Variants in CELSR1 observed in about 807,000 individuals in gnomAD.
CELSR1 encodes the protein adhesion G protein-coupled receptor C1.
In CELSR1, 110 loss-of-function variants were observed where a neutral mutation model predicts 249.1. That is an observed-to-expected ratio of 0.44 (90% CI 0.38 to 0.52). The LOEUF is 0.52. CELSR1 is among the 20% of genes least tolerant of loss of function. The pLI, the probability that CELSR1 is intolerant of heterozygous loss-of-function variation, is 0.00. For synonymous variants in CELSR1, 2,113 were observed against 1,900.0 expected, an observed-to-expected ratio of 1.11 and a Z score of -2.92; for missense variants, 4,109 against 4,296.4, an observed-to-expected ratio of 0.96 and a Z score of 1.22.
chr22:46,520,278 C>T (rs1404856051), intron 1 of CELSR1, among the ~76,000 whole-genome samples: 1 of 152,146 alleles, frequency 6.6e-6, no homozygotes, highest in Non-Finnish European at 1.5e-5. Flanking sequence ...TGGCCTCGAA[C>T]CCCAGGACAG....
Position 46,471,672 on chromosome 22 carries a change from C to T in CELSR1, c.3545-7327G>A, listed in dbSNP as rs555375537. Reference sequence around the variant, plus strand: ...CAGCCTCCCAAAGTGCTGGGATTCACGGGTGTGAGCCGCTGCCCCTGGCCT... The same window carrying T: ...CAGCCTCCCAAAGTGCTGGGATTCATGGGTGTGAGCCGCTGCCCCTGGCCT... On this transcript the variant is annotated intron_variant, in intron 1 of 34. Coordinates refer to ENST00000674500, the MANE Select transcript of CELSR1 (RefSeq NM_001378328.1). The surrounding 1 kb of genome is among the most constrained non-coding windows in gnomAD (Gnocchi z 4.9). Among the ~76,000 whole-genome samples the T allele has an allele frequency of 2.6e-5, 4 of 152,304 alleles. No homozygotes were observed. Among genetic ancestry groups the T allele is most frequent in the East Asian group, 1.9e-4 (1 of 5,172 alleles).
In CELSR1 at chr22:46,536,609, G is replaced by A. The variant is rs943437822; in HGVS notation, c.562C>T (p.Arg188Trp). 3 of 1,178,884 alleles carry A rather than the reference G, an allele frequency of 2.5e-6. No individual in the cohort carries two copies. Among genetic ancestry groups the A allele is most frequent in the Non-Finnish European group, 3.1e-6 (3 of 956,694 alleles). 73.0% of individuals were successfully genotyped at this position (1,178,884 alleles called of 1,614,324 possible). ...SVRLRLLCAL[R>W]RAAGAVRVGL... is the part of the protein sequence containing the mutation. ...ACCCGGACGGCGCCAGCCGCGCGCCGCAGGGCGCACAGCAGACGCAGGCGG... is the reference window on the plus strand; with the variant it reads ...ACCCGGACGGCGCCAGCCGCGCGCCACAGGGCGCACAGCAGACGCAGGCGG... Residue 188 changes from arginine to tryptophan, a missense_variant, in exon 1 of 35, where the codon CGG becomes TGG. Arg to Trp is a moderately radical substitution (Grantham distance 101). This residue lies in a region of CELSR1 where 673 missense variants were observed against 636.8 expected (regional missense o/e 1.06). Coordinates refer to ENST00000674500, the MANE Select transcript of CELSR1 (RefSeq NM_001378328.1).
chr22:46,422,818 G>T (rs966169276), intron 5 of CELSR1, among the ~76,000 whole-genome samples: 1 of 150,904 alleles, frequency 6.6e-6, no homozygotes, highest in African/African-American at 2.4e-5. Flanking sequence ...CTGCTATATT[G>T]TTTTTTTAAA....
intron 1 of CELSR1, among the ~76,000 whole-genome samples, chr22:46,503,922 TACTCAG>T (rs1365726082): frequency 6.6e-6 from 1 of 152,050 alleles, no homozygotes; most frequent in Admixed American, 6.6e-5. Context: ...TAGTCCCAGC[TACTCAG>T]GAGGCTGAGG....
At position 46,429,008 on chromosome 22, in the gene CELSR1, C is replaced by T. The variant is rs1433937716; in HGVS notation, c.4611+4385G>A. On this transcript the variant is annotated intron_variant, in intron 5 of 34. Coordinates refer to ENST00000674500, the MANE Select transcript of CELSR1 (RefSeq NM_001378328.1). This position sits in a 1 kb window ranked among gnomAD's most constrained non-coding sequence, Gnocchi z 4.1. ...AAACATCTTGCTGGCACGTCTGTGTCCCCGACCCTGCCAGGAGCTCCTGGA... is the reference window on the plus strand; with the variant it reads ...AAACATCTTGCTGGCACGTCTGTGTTCCCGACCCTGCCAGGAGCTCCTGGA... Among the ~76,000 whole-genome samples, 1 of 152,154 alleles carries T rather than the reference C, an allele frequency of 6.6e-6. No homozygotes were observed. The highest frequency in any genetic ancestry group is 2.4e-5 in the African/African-American group (1 of 41,438).
intron 2 of CELSR1, among the ~76,000 whole-genome samples, chr22:46,463,397 C>G (rs535337246): frequency 5.3e-5 from 8 of 152,044 alleles, no homozygotes; most frequent in African/African-American, 1.9e-4. Flanking sequence ...GTGCCTGCAA[C>G]CCCAGCTACT....
chr22:46,498,291 CAAAAAAAAA>C (rs757698564), intron 1 of CELSR1, among the ~76,000 whole-genome samples: 1 of 11,332 alleles, frequency 8.8e-5, no homozygotes, highest in East Asian at 2.0e-3. Flanking sequence ...AACTCTGTCT[CAAAAAAAAA>C]AAAAAAAAAA....
intron 4 of CELSR1, among the ~76,000 whole-genome samples, chr22:46,435,004 GAACA>G (rs1200171958): frequency 6.7e-6 from 1 of 148,950 alleles, no homozygotes; most frequent in Non-Finnish European, 1.5e-5. Flanking sequence ...CTCAAAAGAA[GAACA>G]AAAACAAAAA....
In CELSR1 at chr22:46,413,226, G is replaced by C. The variant is rs9626867; in HGVS notation, c.4612-1467C>G. On this transcript the variant is annotated intron_variant, in intron 5 of 34. Transcript: ENST00000674500. This position sits in a 1 kb window ranked among gnomAD's most constrained non-coding sequence, Gnocchi z 4.7. ...AAAATAAATCTTCAGTTTTTAATAGGAACAAAGTATCTATTTTGATCAGGG... is the reference window on the plus strand; with the variant it reads ...AAAATAAATCTTCAGTTTTTAATAGCAACAAAGTATCTATTTTGATCAGGG... Among the ~76,000 whole-genome samples, 1,657 of 152,256 alleles carry C rather than the reference G, an allele frequency of 0.011. 32 individuals are homozygous for C. Among genetic ancestry groups the C allele is most frequent in the African/African-American group, 0.038 (1,588 of 41,550 alleles).
chr22:46,471,441 A>T lies in CELSR1; in HGVS notation c.3545-7096T>A, dbSNP rs1000713199. Among the ~76,000 whole-genome samples, 10 of 152,062 alleles carry T rather than the reference A, an allele frequency of 6.6e-5. No homozygotes were observed. The highest frequency in any genetic ancestry group is 1.2e-4 in the Non-Finnish European group (8 of 68,030). On this transcript the variant is annotated intron_variant, in intron 1 of 34. Transcript: ENST00000674500. This position sits in a 1 kb window ranked among gnomAD's most constrained non-coding sequence, Gnocchi z 4.9. ...GTCTCATTCTGTGGCCCAGGCTGGAATGCAGTGGTGTGATTACTGCAGCCT... is the reference window on the plus strand; with the variant it reads ...GTCTCATTCTGTGGCCCAGGCTGGATTGCAGTGGTGTGATTACTGCAGCCT...
intron 5 of CELSR1, among the ~76,000 whole-genome samples, chr22:46,414,576 G>A (rs1276638806): frequency 6.6e-5 from 10 of 151,874 alleles, no homozygotes; most frequent in African/African-American, 9.7e-5. Context: ...GGTTAAACAC[G>A]CAGGCTAACC....
chr22:46,522,431 T>G (rs756364614), intron 1 of CELSR1, among the ~76,000 whole-genome samples: 16 of 152,222 alleles, frequency 1.1e-4, no homozygotes, highest in Non-Finnish European at 1.9e-4. Context: ...AATTTCCCTG[T>G]TGACTAATGA....
Position 46,536,461 on chromosome 22 carries a change from G to A in CELSR1, c.710C>T (p.Thr237Met), listed in dbSNP as rs772449100. ...AAACTTCAGGCTCCCTCTGCCGCTC[G>A]TGCCCCGCCGGGCCCGTCGCGCCGG... ...AGPARRARRGTSGRGSLKFPM... is the reference protein window; with the variant it reads ...AGPARRARRGMSGRGSLKFPM... Residue 237 changes from threonine to methionine, a missense_variant, in exon 1 of 35, where the codon ACG (threonine) becomes ATG (methionine). Around this residue, in one of 7 missense-constraint regions of CELSR1, gnomAD observed 673 missense variants for 636.8 expected, o/e 1.06. Transcript: ENST00000674500. 5 of 1,608,892 alleles carry A rather than the reference G, an allele frequency of 3.1e-6. No homozygotes were observed. The highest frequency in any genetic ancestry group is 1.3e-5 in the African/African-American group (1 of 74,744).
intron 1 of CELSR1, among the ~76,000 whole-genome samples, chr22:46,511,238 A>G (rs1237863084): frequency 2.8e-5 from 3 of 108,718 alleles, no homozygotes; most frequent in African/African-American, 8.1e-5. Flanking sequence ...TGGGACAGAA[A>G]TATGATTCAC....
Position 46,378,608 on chromosome 22 carries a change from C to T in CELSR1, c.7366G>A (p.Asp2456Asn). Residue 2456 changes from aspartate to asparagine, a missense_variant, in exon 23 of 35, where the codon GAT (aspartate) becomes AAT (asparagine). Around this residue, in one of 7 missense-constraint regions of CELSR1, gnomAD observed 1,805 missense variants for 1,831.6 expected, o/e 0.99. Transcript: ENST00000674500. ...SHTASFAVLM[D>N]ISRRENGEVL... is the part of the protein sequence containing the mutation. Reference sequence around the variant, plus strand: ...ATGCCCACCTCACGCCTGGAGATATCCATGAGCACCGCAAAGCTGGCTGTG... The same window carrying T: ...ATGCCCACCTCACGCCTGGAGATATTCATGAGCACCGCAAAGCTGGCTGTG... The T allele has an allele frequency of 1.3e-6, 2 of 1,583,678 alleles. No homozygotes were observed. Among genetic ancestry groups the T allele is most frequent in the Non-Finnish European group, 1.7e-6 (2 of 1,165,632 alleles).
At chr22:46,460,808 CA>C (rs1237299321) in intron 2 of CELSR1, among the ~76,000 whole-genome samples, 1 of 152,180 alleles carries the variant, frequency 6.6e-6, no homozygotes, top group African/African-American at 2.4e-5. Context: ...CTGCAAAGAT[CA>C]GGGGAATCCA....
At chr22:46,451,201 C>A (rs1021197412) in intron 2 of CELSR1, among the ~76,000 whole-genome samples, 4 of 152,132 alleles carry the variant, frequency 2.6e-5, no homozygotes, top group Non-Finnish European at 5.9e-5. Context: ...GGCGGCCCAG[C>A]CCTGCCCCAC....
chr22:46,390,414 G>A lies in CELSR1; in HGVS notation c.6323C>T (p.Ser2108Phe), dbSNP rs760321256. 2.7e-5 allele frequency: 44 copies of A among 1,613,630 alleles called. No homozygotes were observed. The highest frequency in any genetic ancestry group is 1.6e-4 in the Middle Eastern group (1 of 6,084). The change falls in exon 17 of 35, where the codon TCC becomes TTC. Residue 2108 changes from serine (S) to phenylalanine (F), a missense_variant. Coordinates refer to ENST00000674500, the MANE Select transcript of CELSR1 (RefSeq NM_001378328.1). The surrounding 1 kb of genome is among the most constrained non-coding windows in gnomAD (Gnocchi z 6.3). ...PPELFNCTTI[S>F]FVDLRAMNEK... ...TACCATGGCCCTGAGGTCCACGAAG[G>A]AGATGGTGGTACAGTTAAAGAGCTC... is the stretch of plus-strand genomic sequence containing the variant.
At chr22:46,474,788 C>CTTTTTTTTTTTTT (rs55932520) in intron 1 of CELSR1, among the ~76,000 whole-genome samples, 58 of 89,632 alleles carry the variant, frequency 6.5e-4, no homozygotes, top group East Asian at 1.2e-3. Flanking sequence ...CTCTCTACTT[C>CTTTTTTTTTTTTT]TTTTTTTTTT....
Sources: gnomAD v4.1 joint callset for allele counts (sites outside exome capture counted in the v4.1 genomes callset) on GRCh38, gnomAD v4.1.1 for gene constraint, gnomAD v4.1.1 regional missense constraint, Gnocchi (gnomAD v3.1) non-coding constraint, MANE v1.5 for transcripts, NCBI Gene and HGNC (gene_info 2026-07-23, HGNC 2026-07-21) for gene names.